SASH1: variants seen among roughly 807,000 people sequenced by gnomAD.
The protein encoded by SASH1 is SAM and SH3 domain containing 1.
SASH1 carries 44 observed loss-of-function variants against 125.2 expected under a neutral mutation model. The observed-to-expected ratio is 0.35, with a 90% CI of 0.28 to 0.45. SASH1 has a LOEUF of 0.45. SASH1 is among the 20% of genes least tolerant of loss of function. SASH1 has a pLI of 1.00. For synonymous variants in SASH1, 639 were observed against 649.1 expected (o/e 0.98, Z 0.24); for missense variants, 1,426 against 1,614.5 (o/e 0.88, Z 2.00).
chr6:148,343,747 T>TTG (rs1781423021), intron 1 of SASH1, among the ~76,000 whole-genome samples: 3 of 152,224 alleles, frequency 2.0e-5, no homozygotes, highest in African/African-American at 7.2e-5. Context: ...ATAGGACTTA[T>TTG]TTTGCTAAAT....
At chr6:148,411,012 AGC>A (rs1784602208) in intron 2 of SASH1, among the ~76,000 whole-genome samples, 1 of 151,926 alleles carries the variant, frequency 6.6e-6, no homozygotes, top group Non-Finnish European at 1.5e-5. Flanking sequence ...ATACAAAATT[AGC>A]TGGGCATGGT....
At chr6:148,368,674 G>T (rs1352019129) in intron 1 of SASH1, among the ~76,000 whole-genome samples, 1 of 151,320 alleles carries the variant, frequency 6.6e-6, no homozygotes, top group Admixed American at 6.6e-5. Context: ...CAAGAATACC[G>T]ACAATGTAGT....
chr6:148,299,616 G>A (rs1016323037), intron 1 of SASH1, among the ~76,000 whole-genome samples: 7 of 148,422 alleles, frequency 4.7e-5, no homozygotes, highest in South Asian at 4.3e-4. Context: ...GCAGTGAACC[G>A]AGATCACGCC....
the SASH1 span, among the ~76,000 whole-genome samples, chr6:148,251,852 T>G: frequency 9.8e-6 from 1 of 102,000 alleles, no homozygotes; most frequent in Non-Finnish European, 1.8e-5. Context: ...CCCACAACAG[T>G]CCCCAGAGTG....
rs1782467455 is a variant in SASH1 at position 148,544,918 on chromosome 6, C to T, written c.3348+100C>T. The T allele has an allele frequency of 2.3e-5, 28 of 1,200,402 alleles. No individual in the cohort carries two copies. In the Middle Eastern group the frequency reaches 8.7e-4, roughly 37 times the overall value. The allele number at this position is 1,200,402 out of a possible 1,614,324, so 74.4% of individuals were successfully genotyped here. ...CACATCTGAAGCCAGCCCGGTAGCC[C>T]GCCCAGTGGACAGGAGACACCTGAA... is the stretch of plus-strand genomic sequence containing the variant. On this transcript the variant is annotated intron_variant, in intron 18 of 19. Transcript: ENST00000367467. The surrounding 1 kb of genome is among the most constrained non-coding windows in gnomAD (Gnocchi z 6.4).
intron 1 of SASH1, among the ~76,000 whole-genome samples, chr6:148,286,105 T>A (rs1779475697): frequency 1.3e-5 from 2 of 152,026 alleles, no homozygotes; most frequent in African/African-American, 4.8e-5. Flanking sequence ...TTTACAAACA[T>A]CAAGGGATTT....
chr6:148,450,545 C>A (rs1007064799), intron 4 of SASH1, among the ~76,000 whole-genome samples: 1 of 152,008 alleles, frequency 6.6e-6, no homozygotes, highest in Non-Finnish European at 1.5e-5. Flanking sequence ...TCTCCTTGGA[C>A]TCTAGTAGCA....
Position 148,544,585 on chromosome 6 carries a change from C to T in SASH1, c.3115C>T (p.Leu1039=), listed in dbSNP as rs1782442799. The T allele has an allele frequency of 1.2e-6, 2 of 1,613,344 alleles. No homozygotes were observed. The highest frequency in any genetic ancestry group is 1.7e-6 in the Non-Finnish European group (2 of 1,179,942). The change falls in exon 18 of 20, where the codon CTG becomes TTG. Residue 1039 remains leucine, a synonymous_variant. Coordinates refer to ENST00000367467, the MANE Select transcript of SASH1 (RefSeq NM_015278.5). This position sits in a 1 kb window ranked among gnomAD's most constrained non-coding sequence, Gnocchi z 6.4. The part of the protein sequence containing the change: ...PTSPSDCPPA[L]APRPLSGQAP... Reference sequence around the variant, plus strand: ...CAGCCCTAGCGACTGTCCCCCAGCACTGGCTCCCAGGCCTCTCTCAGGGCA... The same window carrying T: ...CAGCCCTAGCGACTGTCCCCCAGCATTGGCTCCCAGGCCTCTCTCAGGGCA...
chr6:148,263,533 C>T, the SASH1 span, among the ~76,000 whole-genome samples: 1 of 152,268 alleles, frequency 6.6e-6, no homozygotes, highest in Admixed American at 6.5e-5. Context: ...GAAAGTCAGC[C>T]CAGGGCAACC....
chr6:148,386,050 T>C (rs1302269984), intron 1 of SASH1, among the ~76,000 whole-genome samples: 1 of 152,052 alleles, frequency 6.6e-6, no homozygotes, highest in East Asian at 1.9e-4. Flanking sequence ...CCTTCAGCCT[T>C]TGGGTTATGA....
chr6:148,358,716 C>T (rs6570845), intron 1 of SASH1, among the ~76,000 whole-genome samples: 112,165 of 146,260 alleles, frequency 0.77, 43,397 homozygotes, highest in African/African-American at 0.88. Flanking sequence ...TTTCCTGTTT[C>T]CTAATGCCAT....
chr6:148,532,865 G>T lies in SASH1; in HGVS notation c.1633G>T (p.Asp545Tyr). 5 of 1,614,248 alleles carry T rather than the reference G, an allele frequency of 3.1e-6. No homozygotes were observed. Among genetic ancestry groups the T allele is most frequent in the Non-Finnish European group, 4.2e-6 (5 of 1,180,044 alleles). The change falls in exon 14 of 20, where the codon GAT (aspartate) becomes TAT (tyrosine). Residue 545 changes from aspartate to tyrosine, a missense_variant. By Grantham distance (160) the Asp-to-Tyr change is radical. This residue lies in a region of SASH1 where 225 missense variants were observed against 344.5 expected (regional missense o/e 0.65). Coordinates refer to ENST00000367467, the MANE Select transcript of SASH1 (RefSeq NM_015278.5). This position sits in a 1 kb window ranked among gnomAD's most constrained non-coding sequence, Gnocchi z 4.7. ...GGAAAGCGTCAAGTCGGAAGATGGG[G>T]ATGACGAAGAGCCGCCTTACCGAGG... Reference protein sequence around the residue: ...NRESVKSEDGDDEEPPYRGPF... With the variant: ...NRESVKSEDGYDEEPPYRGPF...
chr6:148,369,799 C>T (rs1161996035), intron 1 of SASH1, among the ~76,000 whole-genome samples: 8 of 151,608 alleles, frequency 5.3e-5, no homozygotes, highest in Non-Finnish European at 7.4e-5. Flanking sequence ...ACTAAAAATA[C>T]AAAAATTAGC....
intron 1 of SASH1, among the ~76,000 whole-genome samples, chr6:148,359,080 A>G (rs1369174298): frequency 2.0e-5 from 3 of 148,172 alleles, no homozygotes; most frequent in Middle Eastern, 3.4e-3. Context: ...TTTTTATTTA[A>G]AAATAAAAAA....
At chr6:148,391,662 A>G (rs1211134034) in intron 2 of SASH1, among the ~76,000 whole-genome samples, 1 of 152,190 alleles carries the variant, frequency 6.6e-6, no homozygotes, top group African/African-American at 2.4e-5. Context: ...TATGTGATAA[A>G]CAGTAACTAA....
intron 2 of SASH1, among the ~76,000 whole-genome samples, chr6:148,439,547 G>A (rs1343717986): frequency 1.3e-5 from 2 of 152,166 alleles, no homozygotes; most frequent in Admixed American, 6.5e-5. Flanking sequence ...GGGAAGCTGA[G>A]GGGGGCGGAT....
At chr6:148,234,484 A>G in the SASH1 span, among the ~76,000 whole-genome samples, 1 of 151,972 alleles carries the variant, frequency 6.6e-6, no homozygotes, top group South Asian at 2.1e-4. Context: ...CTCAGGGCAT[A>G]TCTGGGCTAG....
rs758579847 is a variant in SASH1, at chr6:148,533,751, C to G, written c.1735-20C>G. On this transcript the variant is annotated intron_variant, in intron 14 of 19. Transcript: ENST00000367467. The surrounding 1 kb of genome is among the most constrained non-coding windows in gnomAD (Gnocchi z 6.2). The stretch of plus-strand genomic sequence containing the variant: ...CATGGAATGTACCTAATGGAAAGAT[C>G]TTTGCTCCCTGGGCCACAGAAAGGA... 1.9e-6 allele frequency: 3 copies of G among 1,603,932 alleles called. No homozygotes were observed. Among genetic ancestry groups the G allele is most frequent in the Non-Finnish European group, 2.6e-6 (3 of 1,173,008 alleles).
chr6:148,408,274 A>AT lies in SASH1; in HGVS notation c.285+18017dup, dbSNP rs1784462394. Among the ~76,000 whole-genome samples the AT allele has an allele frequency of 1.3e-5, 2 of 150,724 alleles. 1 individual carries two copies. Among genetic ancestry groups the AT allele is most frequent in the South Asian group, 4.2e-4 (2 of 4,744 alleles). ...AGGTGCCCGCCACCACGCCCGGCTA[A>AT]TTTTTGTATTTTTAGTAGAGATGGG... is the stretch of plus-strand genomic sequence containing the variant. On this transcript the variant is annotated intron_variant, in intron 2 of 19. Coordinates refer to ENST00000367467, the MANE Select transcript of SASH1 (RefSeq NM_015278.5).
Sources: allele counts gnomAD v4.1 joint callset (sites outside exome capture counted in the v4.1 genomes callset), GRCh38; gene constraint gnomAD v4.1.1; regional missense constraint gnomAD v4.1.1; non-coding constraint Gnocchi (gnomAD v3.1); transcripts MANE v1.5; gene names NCBI Gene and HGNC (gene_info 2026-07-23, HGNC 2026-07-21).